Variants in ANKRD30A observed in about 807,000 individuals in gnomAD.
ANKRD30A encodes ankyrin repeat domain-containing protein 30A.
A neutral mutation model predicts 166.3 loss-of-function variants in ANKRD30A; 170 were observed. That is an observed-to-expected ratio of 1.02 (90% confidence interval 0.90 to 1.16). The LOEUF (loss-of-function observed/expected upper bound fraction) is 1.16. ANKRD30A is among the 50% of genes most tolerant of loss of function. The pLI is 0.00. For missense variants in ANKRD30A, 1,630 were observed against 1,518.0 expected (o/e 1.07, Z -1.23); for synonymous variants, 564 against 508.9 (o/e 1.11, Z -1.46).
intron 17 of ANKRD30A, 142 bp from the exon 18 acceptor site, chr10:37,164,952 A>G: frequency 1.3e-6 from 1 of 794,566 alleles, no homozygotes; most frequent in Admixed American, 2.5e-5. Context: ...CTATAGAAGT[A>G]GTCATTGTAA....
rs528306095 is a variant in ANKRD30A at position 37,143,609 on chromosome 10, G to A, written c.1393+1319G>A. Among the ~76,000 whole-genome samples, 20 of 151,918 alleles carry A rather than the reference G, an allele frequency of 1.3e-4. No homozygotes were observed. In the South Asian group the frequency reaches 3.3e-3, roughly 25 times the overall value. On this transcript the variant is annotated intron_variant, in intron 7 of 35. Coordinates refer to ENST00000361713, the MANE Select transcript of ANKRD30A (RefSeq NM_052997.3). ...GCAGAGGTTGCAGTGAGCTGAGATC[G>A]TACCACTACACTCTAGCCTGTGTGA... is the stretch of plus-strand genomic sequence containing the variant.
At position 37,219,751 on chromosome 10, in the gene ANKRD30A, A is replaced by C. The variant is rs373175784; in HGVS notation, c.4039A>C (p.Lys1347Gln). 8.1e-6 allele frequency: 13 copies of C among 1,608,976 alleles called. No individual in the cohort carries two copies. Among genetic ancestry groups the C allele is most frequent in the East Asian group, 4.5e-5 (2 of 44,666 alleles). Residue 1347 changes from lysine (K) to glutamine (Q), a missense_variant, in exon 34 of 36, where the codon AAA becomes CAA. Around this residue, in one of 4 missense-constraint regions of ANKRD30A, gnomAD observed 712 missense variants for 629.3 expected, o/e 1.13. Coordinates refer to ENST00000361713, the MANE Select transcript of ANKRD30A (RefSeq NM_052997.3). ...TCATGCACATAAGAAAGCTGACAAC[A>C]AAAGCAAGATAACAATTGATATTCA... ...LVHAHKKADN[K>Q]SKITIDIHFL...
At chr10:37,205,231 A>T (rs1189522526) in intron 31 of ANKRD30A, among the ~76,000 whole-genome samples, 1 of 152,206 alleles carries the variant, frequency 6.6e-6, no homozygotes, top group African/African-American at 2.4e-5. Context: ...TGGATTAAGA[A>T]AATGTGGCAC....
intron 15 of ANKRD30A, among the ~76,000 whole-genome samples, chr10:37,159,920 G>A (rs1403128198): frequency 2.0e-5 from 3 of 152,044 alleles, no homozygotes; most frequent in Non-Finnish European, 2.9e-5. Flanking sequence ...GGTCTGATCC[G>A]GATCTCCTGA....
In ANKRD30A at chr10:37,205,123, C is replaced by T. The variant is rs142282333; in HGVS notation, c.2869+3798C>T. On this transcript the variant is annotated intron_variant, in intron 31 of 35. Transcript: ENST00000361713. ...GTTATATACCCAAAGGATTATAAAT[C>T]GTGCTACTGTAAAGACACATGCACA... Among the ~76,000 whole-genome samples the T allele has an allele frequency of 4.7e-3, 712 of 152,216 alleles. 6 individuals are homozygous for T. Among genetic ancestry groups the T allele is most frequent in the African/African-American group, 0.016 (672 of 41,536 alleles).
intron 2 of ANKRD30A, 82 bp from the exon 3 acceptor site, chr10:37,130,123 T>G (rs1564462085): frequency 8.6e-7 from 1 of 1,162,770 alleles, no homozygotes; most frequent in Non-Finnish European, 1.1e-6. Flanking sequence ...ATATTTATTT[T>G]GATTTCCTAT....
At chr10:37,138,091 C>T (rs1369548535) in intron 6 of ANKRD30A, among the ~76,000 whole-genome samples, 1 of 152,174 alleles carries the variant, frequency 6.6e-6, no homozygotes, top group East Asian at 1.9e-4. Context: ...CTTCTGCAGC[C>T]TCCACTGCTG....
At chr10:37,263,561 C>G in the ANKRD30A span, among the ~76,000 whole-genome samples, 1 of 151,674 alleles carries the variant, frequency 6.6e-6, no homozygotes, top group Admixed American at 6.6e-5. Context: ...AGAAGGAACA[C>G]GCAACCTAGG....
intron 27 of ANKRD30A, among the ~76,000 whole-genome samples, chr10:37,193,614 G>C (rs1021440047): frequency 6.6e-6 from 1 of 151,998 alleles, no homozygotes. Context: ...TGTTTACTTA[G>C]AAGAAAGTTC....
chr10:37,262,894 C>T, the ANKRD30A span, among the ~76,000 whole-genome samples: 1 of 151,950 alleles, frequency 6.6e-6, no homozygotes, highest in Non-Finnish European at 1.5e-5. Context: ...TAATGCTTTG[C>T]TGGGGATCCT....
Position 37,130,014 on chromosome 10 carries a change from A to T in ANKRD30A, c.336+7A>T. ...CAGGACACCTCTGATGAAGGTAAAT[A>T]GTAGCCAGATTTTTCAGCAGGAGAT... is the stretch of plus-strand genomic sequence containing the variant. On this transcript the variant is annotated splice_region_variant and intron_variant, in intron 2 of 35. Transcript: ENST00000361713. The T allele has an allele frequency of 6.7e-7, 1 of 1,484,856 alleles. No homozygotes were observed. The highest frequency in any genetic ancestry group is 2.5e-5 in the East Asian group (1 of 40,142). The allele number at this position is 1,484,856 out of a possible 1,614,324, so 92.0% of individuals were successfully genotyped here.
chr10:37,151,242 A>C (rs1408053889), intron 11 of ANKRD30A, among the ~76,000 whole-genome samples: 2 of 152,146 alleles, frequency 1.3e-5, no homozygotes, highest in African/African-American at 4.8e-5. Flanking sequence ...AGAAAACTGG[A>C]CATTATTTTT....
At chr10:37,202,985 A>G (rs1841744342) in intron 31 of ANKRD30A, among the ~76,000 whole-genome samples, 1 of 152,184 alleles carries the variant, frequency 6.6e-6, no homozygotes, top group Non-Finnish European at 1.5e-5. Context: ...TAATTGAGGC[A>G]ATAATTAATA....
intron 13 of ANKRD30A, among the ~76,000 whole-genome samples, chr10:37,157,602 G>T (rs1490576849): frequency 6.6e-6 from 1 of 152,082 alleles, no homozygotes; most frequent in Non-Finnish European, 1.5e-5. Flanking sequence ...GGAACTCCTG[G>T]CCTCCAGAGA....
intron 1 of ANKRD30A, among the ~76,000 whole-genome samples, chr10:37,128,330 A>T (rs898246915): frequency 6.6e-6 from 1 of 152,028 alleles, no homozygotes; most frequent in Non-Finnish European, 1.5e-5. Context: ...CAGCAATGTG[A>T]AATTTGCACA....
intron 34 of ANKRD30A, among the ~76,000 whole-genome samples, chr10:37,220,343 A>G (rs1165551231): frequency 6.6e-6 from 1 of 151,102 alleles, no homozygotes; most frequent in East Asian, 1.9e-4. Context: ...ATTTACTTTG[A>G]CAGTTAATTC....
intron 34 of ANKRD30A, among the ~76,000 whole-genome samples, chr10:37,226,835 T>G (rs1843178793): frequency 6.6e-6 from 1 of 151,868 alleles, no homozygotes; most frequent in African/African-American, 2.4e-5. Context: ...TCTCCACATT[T>G]TTACCAGGAA....
intron 1 of ANKRD30A, among the ~76,000 whole-genome samples, chr10:37,127,851 A>G (rs1836145935): frequency 6.6e-6 from 1 of 152,160 alleles, no homozygotes; most frequent in Admixed American, 6.5e-5. Flanking sequence ...ATTTGATGGT[A>G]AGTACCATAT....
chr10:37,142,125 G>A lies in ANKRD30A; in HGVS notation c.1228G>A (p.Ala410Thr), dbSNP rs760965708. The stretch of plus-strand genomic sequence containing the variant: ...AACATCTGAGAAATTTACGTGGGCA[G>A]CAAAAGGAAGACCTAGGAAGATCGC... ...KETSEKFTWAAKGRPRKIAWE... is the reference protein window; with the variant it reads ...KETSEKFTWATKGRPRKIAWE... Residue 410 changes from alanine to threonine, a missense_variant, in exon 7 of 36, where the codon GCA becomes ACA. By Grantham distance (58) the Ala-to-Thr change is moderately conservative (BLOSUM62 0). Around this residue, in one of 4 missense-constraint regions of ANKRD30A, gnomAD observed 904 missense variants for 818.5 expected, o/e 1.10. Coordinates refer to ENST00000361713, the MANE Select transcript of ANKRD30A (RefSeq NM_052997.3). The A allele has an allele frequency of 3.7e-6, 6 of 1,613,872 alleles. No homozygotes were observed. The highest frequency in any genetic ancestry group is 1.3e-5 in the African/African-American group (1 of 74,870).
Sources: gnomAD v4.1 joint callset for allele counts (sites outside exome capture counted in the v4.1 genomes callset) on GRCh38, gnomAD v4.1.1 for gene constraint, gnomAD v4.1.1 regional missense constraint, MANE v1.5 for transcripts, NCBI Gene and HGNC (gene_info 2026-07-23, HGNC 2026-07-21) for gene names.